The following STAB2 variants were observed in gnomAD, a reference collection of about 807,000 sequenced individuals.
STAB2 encodes stabilin-2.
Under a neutral mutation model 338.1 loss-of-function variants are expected in STAB2, and 288 were observed. The ratio of observed to expected loss-of-function variants is 0.85; its 90% CI spans 0.77 to 0.94. STAB2 has a LOEUF of 0.94. Among genes scored for constraint, STAB2 ranks in the 40% least tolerant of loss-of-function variants. The pLI is 0.00. For synonymous variants in STAB2, 1,202 were observed against 1,193.3 expected, an observed-to-expected ratio of 1.01 and a Z score of -0.15; for missense variants, 3,141 against 3,210.1, an observed-to-expected ratio of 0.98 and a Z score of 0.52.
chr12:103,695,920 G>T (rs1878365062), intron 33 of STAB2, 76 bp downstream of exon 33: 9 of 1,412,248 alleles, frequency 6.4e-6, no homozygotes, highest in Admixed American at 1.7e-5. Context: ...TCCATTAGTT[G>T]TGTGCCATTT....
intron 31 of STAB2, among the ~76,000 whole-genome samples, chr12:103,693,330 G>A (rs1221415526): frequency 6.6e-6 from 1 of 152,026 alleles, no homozygotes; most frequent in Non-Finnish European, 1.5e-5. Flanking sequence ...CCAGCTACTA[G>A]GAAGGCTGAG....
At position 103,731,639 on chromosome 12, in the gene STAB2, A is replaced by G; in HGVS notation, c.5283+4A>G. ...CAAATTTAGCAACTTAATACAGGTA[A>G]AAATTTAGGGGAAGTTGACTCAGAG... On this transcript the variant is annotated splice_donor_region_variant and intron_variant, in intron 50 of 68. Coordinates refer to ENST00000388887, the MANE Select transcript of STAB2 (RefSeq NM_017564.10). The G allele has an allele frequency of 6.2e-7, 1 of 1,612,020 alleles. No individual in the cohort carries two copies. The highest frequency in any genetic ancestry group is 1.3e-5 in the African/African-American group (1 of 74,998).
At chr12:103,709,579 G>A (rs1879668955) in intron 39 of STAB2, among the ~76,000 whole-genome samples, 1 of 152,230 alleles carries the variant, frequency 6.6e-6, no homozygotes, top group African/African-American at 2.4e-5. Flanking sequence ...GGGCTCCATG[G>A]ATGTGGCATT....
chr12:103,604,102 T>C (rs1044339528), intron 3 of STAB2, among the ~76,000 whole-genome samples: 2 of 152,184 alleles, frequency 1.3e-5, no homozygotes, highest in African/African-American at 4.8e-5. Flanking sequence ...CTAATAACTT[T>C]CTGGAGATAC....
At chr12:103,702,454 G>A (rs1009934140) in intron 34 of STAB2, among the ~76,000 whole-genome samples, 11 of 152,092 alleles carry the variant, frequency 7.2e-5, no homozygotes, top group Non-Finnish European at 1.3e-4. Context: ...GCCCGCCACC[G>A]CGCCCGGCTA....
At position 103,652,571 on chromosome 12, in the gene STAB2, G is replaced by A. The variant is rs1873823251; in HGVS notation, c.1273G>A (p.Val425Met). 1 of 1,584,760 alleles carries A rather than the reference G, an allele frequency of 6.3e-7. No homozygotes were observed. Among genetic ancestry groups the A allele is most frequent in the South Asian group, 1.2e-5 (1 of 82,630 alleles). Reference protein sequence around the residue: ...LKGFNVNELLVDNKAAQYFVK... With the variant: ...LKGFNVNELLMDNKAAQYFVK... Reference sequence around the variant, plus strand: ...TCTCTCTTAGGTAAATGAGCTTTTGGTGGATAATAAAGCTGCTCAATACTT... The same window carrying A: ...TCTCTCTTAGGTAAATGAGCTTTTGATGGATAATAAAGCTGCTCAATACTT... Residue 425 changes from valine (V) to methionine (M), a missense_variant, in exon 12 of 69, where the codon GTG becomes ATG. Val to Met is a conservative substitution (Grantham distance 21). Coordinates refer to ENST00000388887, the MANE Select transcript of STAB2 (RefSeq NM_017564.10).
intron 56 of STAB2, among the ~76,000 whole-genome samples, 190 bp from the exon 57 acceptor site, chr12:103,744,983 G>A (rs532266455): frequency 9.9e-5 from 15 of 152,256 alleles, no homozygotes; most frequent in South Asian, 2.1e-4. Flanking sequence ...TAACCTTATC[G>A]CTTAGCAGTG....
intron 59 of STAB2, among the ~76,000 whole-genome samples, chr12:103,749,532 A>G (rs1027321851): frequency 3.9e-5 from 6 of 152,180 alleles, no homozygotes; most frequent in South Asian, 2.1e-4. Flanking sequence ...TAAAAGGCTT[A>G]TTAAAACAAA....
chr12:103,668,426 T>C (rs1875374619), intron 19 of STAB2: 2 of 543,418 alleles, frequency 3.7e-6, no homozygotes, highest in Non-Finnish European at 6.7e-6. Flanking sequence ...CCATGGATGA[T>C]GCAAACTCTG....
intron 21 of STAB2, among the ~76,000 whole-genome samples, 171 bp from the exon 22 acceptor site, chr12:103,670,525 G>A (rs553658436): frequency 1.3e-3 from 197 of 152,260 alleles, no homozygotes; most frequent in South Asian, 0.013. Flanking sequence ...TCCCAAGCTC[G>A]GCACTGCTTT....
At chr12:103,614,961 G>A (rs17034212) in intron 3 of STAB2, among the ~76,000 whole-genome samples, 4,381 of 152,292 alleles carry the variant, frequency 0.029, 96 homozygotes, top group South Asian at 0.071. Flanking sequence ...TAAAATTGTA[G>A]CAGGTTCTTA....
At chr12:103,715,723 G>A in intron 42 of STAB2, 92 bp from the exon 43 acceptor site, 3 of 1,451,186 alleles carry the variant, frequency 2.1e-6, no homozygotes, top group South Asian at 2.3e-5. Flanking sequence ...GCTCCCTTCA[G>A]TCAGTTAGCC....
intron 47 of STAB2, among the ~76,000 whole-genome samples, chr12:103,727,825 C>T (rs1456059233): frequency 6.6e-6 from 1 of 152,106 alleles, no homozygotes; most frequent in Non-Finnish European, 1.5e-5. Context: ...GAGTACCCGG[C>T]TTAGAATGAC....
chr12:103,688,864 C>T (rs1877668894), intron 28 of STAB2, among the ~76,000 whole-genome samples: 1 of 152,188 alleles, frequency 6.6e-6, no homozygotes, highest in South Asian at 2.1e-4. Context: ...GTGTGCTGAA[C>T]CCTGTTCACA....
At chr12:103,595,238 A>T (rs941099000) in intron 3 of STAB2, among the ~76,000 whole-genome samples, 2 of 152,108 alleles carry the variant, frequency 1.3e-5, no homozygotes, top group Admixed American at 1.3e-4. Flanking sequence ...GTAGGAAAAA[A>T]TCAGGTATTT....
intron 3 of STAB2, among the ~76,000 whole-genome samples, chr12:103,616,212 G>C (rs17501624): frequency 0.024 from 3,722 of 152,294 alleles, 65 homozygotes; most frequent in Middle Eastern, 0.048. Flanking sequence ...TCTCTGATCA[G>C]TGTAGCCCAG....
At chr12:103,599,605 A>C (rs1282474852) in intron 3 of STAB2, among the ~76,000 whole-genome samples, 1 of 152,242 alleles carries the variant, frequency 6.6e-6, no homozygotes, top group Non-Finnish European at 1.5e-5. Context: ...ACTAATCTGC[A>C]AACAATATTA....
At chr12:103,744,134 A>C (rs1364370331) in intron 56 of STAB2, among the ~76,000 whole-genome samples, 1 of 128,136 alleles carries the variant, frequency 7.8e-6, no homozygotes, top group Non-Finnish European at 1.6e-5. Context: ...GAATTGGTAC[A>C]TATTTTTTAA....
chr12:103,710,324 A>C (rs564468558), intron 39 of STAB2, among the ~76,000 whole-genome samples: 1 of 152,278 alleles, frequency 6.6e-6, no homozygotes, highest in African/African-American at 2.4e-5. Flanking sequence ...CTACACAGGA[A>C]GTTTCCAGTC....
Sources: gnomAD v4.1 joint callset for allele counts (sites outside exome capture counted in the v4.1 genomes callset) on GRCh38, gnomAD v4.1.1 for gene constraint, MANE v1.5 for transcripts, NCBI Gene and HGNC (gene_info 2026-07-23, HGNC 2026-07-21) for gene names.